The following EYS variants were observed in gnomAD, a reference collection of about 807,000 sequenced individuals.
EYS encodes EGF-like photoreceptor maintenance factor.
Under a neutral mutation model 282.1 loss-of-function variants are expected in EYS, and 250 were observed. That is an observed-to-expected ratio of 0.89 (90% CI 0.80 to 0.98). EYS has a LOEUF of 0.98. Ranked by LOEUF, EYS falls within the 50% of genes least tolerant of loss-of-function variation. EYS has a pLI of 0.00. For missense variants in EYS, 4,016 were observed against 3,709.0 expected (o/e 1.08, Z -2.15); for synonymous variants, 1,355 against 1,282.9 (o/e 1.06, Z -1.20).
chr6:64,650,611 A>G (rs758587444), intron 22 of EYS, among the ~76,000 whole-genome samples: 18 of 152,052 alleles, frequency 1.2e-4, no homozygotes, highest in Non-Finnish European at 2.6e-4. Context: ...TGTTTTGAGG[A>G]AAGGGGGAAA....
intron 14 of EYS, among the ~76,000 whole-genome samples, chr6:64,951,865 A>G (rs9445447): frequency 2.2e-3 from 337 of 152,068 alleles, no homozygotes; most frequent in African/African-American, 7.7e-3. Context: ...TTTAATTGGA[A>G]TATCAAAAAC....
chr6:64,248,773 G>A (rs1767103838), intron 30 of EYS, among the ~76,000 whole-genome samples: 3 of 152,110 alleles, frequency 2.0e-5, no homozygotes, highest in South Asian at 4.2e-4. Flanking sequence ...CAAAAAGATC[G>A]GCCGGGTGCA....
At chr6:64,765,396 T>G (rs1181077488) in intron 22 of EYS, among the ~76,000 whole-genome samples, 1 of 152,182 alleles carries the variant, frequency 6.6e-6, no homozygotes, top group Non-Finnish European at 1.5e-5. Flanking sequence ...ACCTGCATCT[T>G]TCTGTCTCCT....
intron 8 of EYS, among the ~76,000 whole-genome samples, chr6:65,377,883 A>G (rs1765438050): frequency 6.6e-6 from 1 of 152,140 alleles, no homozygotes; most frequent in South Asian, 2.1e-4. Flanking sequence ...ATAGACCAAT[A>G]AAAAGTTCTG....
chr6:65,443,014 C>T (rs1768429892), intron 5 of EYS, among the ~76,000 whole-genome samples: 1 of 104,834 alleles, frequency 9.5e-6, no homozygotes, highest in Non-Finnish European at 2.4e-5. Flanking sequence ...GTACACATAT[C>T]TGTAAATATA....
At chr6:64,234,981 G>A (rs900886427) in intron 30 of EYS, among the ~76,000 whole-genome samples, 12 of 151,756 alleles carry the variant, frequency 7.9e-5, no homozygotes, top group Admixed American at 5.9e-4. Context: ...GGGTTCAAGC[G>A]ATTCTCCTGC....
At position 64,548,064 on chromosome 6, in the gene EYS, C is replaced by T. The variant is rs117015202; in HGVS notation, c.5644+42159G>A. On this transcript the variant is annotated intron_variant, in intron 26 of 42. Coordinates refer to ENST00000503581, the MANE Select transcript of EYS (RefSeq NM_001142800.2). The stretch of plus-strand genomic sequence containing the variant: ...CTGTCCCTCCACACCTCCCTGGAAG[C>T]TGATAGAGCCGGCTCCAGCCTCGGC... Among the ~76,000 whole-genome samples the T allele has an allele frequency of 4.1e-4, 62 of 152,330 alleles. 1 individual carries two copies. The East Asian group carries it at 0.012, about 29-fold the overall frequency.
chr6:64,465,042 G>A (rs1251248103), intron 26 of EYS, among the ~76,000 whole-genome samples: 1 of 151,726 alleles, frequency 6.6e-6, no homozygotes, highest in Non-Finnish European at 1.5e-5. Context: ...ATACTTAGGA[G>A]TAAATTTAAT....
At chr6:65,488,390 T>C (rs909000071) in intron 5 of EYS, among the ~76,000 whole-genome samples, 2 of 152,096 alleles carry the variant, frequency 1.3e-5, no homozygotes, top group Non-Finnish European at 2.9e-5. Context: ...TTCTCATTGG[T>C]TTCAAAAAAC....
intron 26 of EYS, among the ~76,000 whole-genome samples, chr6:64,523,937 G>T (rs535501791): frequency 1.2e-4 from 18 of 151,780 alleles, no homozygotes; most frequent in African/African-American, 4.3e-4. Context: ...TTTGATGATT[G>T]AATAATTGTT....
At position 64,066,429 on chromosome 6, in the gene EYS, C is replaced by G. The variant is rs2149855714; in HGVS notation, c.6634G>C (p.Val2212Leu). ...HLFLVEGRPS[V>L]KYGCGNSQNI... The stretch of plus-strand genomic sequence containing the variant: ...TGAGAATTTCCACACCCATATTTAA[C>G]TGATGGCCTTCCTTCCACAAGAAAT... Residue 2212 changes from valine (V) to leucine (L), a missense_variant, in exon 33 of 43, where the codon GTT becomes CTT. Val to Leu is a conservative substitution (Grantham distance 32, BLOSUM62 1). Transcript: ENST00000503581. 2.6e-6 allele frequency: 4 copies of G among 1,549,914 alleles called. No homozygotes were observed. The highest frequency in any genetic ancestry group is 3.5e-6 in the Non-Finnish European group (4 of 1,145,506).
chr6:64,409,463 AT>A (rs1365811592), intron 28 of EYS, among the ~76,000 whole-genome samples: 2 of 152,174 alleles, frequency 1.3e-5, no homozygotes. Context: ...GAAAAAGGTG[AT>A]CCTTGAGAGC....
intron 24 of EYS, among the ~76,000 whole-genome samples, chr6:64,609,237 T>C (rs1175332305): frequency 6.6e-6 from 1 of 151,940 alleles, no homozygotes; most frequent in Non-Finnish European, 1.5e-5. Context: ...AAAAAAAGAG[T>C]TACCTAAGCA....
At chr6:64,221,108 A>G (rs1582446176) in intron 31 of EYS, among the ~76,000 whole-genome samples, 1 of 152,196 alleles carries the variant, frequency 6.6e-6, no homozygotes, top group South Asian at 2.1e-4. Flanking sequence ...GCATGAAAAG[A>G]GTTTAGGACA....
chr6:64,703,899 C>T (rs1172030955), intron 22 of EYS, among the ~76,000 whole-genome samples: 1 of 151,964 alleles, frequency 6.6e-6, no homozygotes. Context: ...ATAACGAGGG[C>T]ATTATTATTT....
At chr6:65,665,429 CTG>C (rs1768162739) in intron 1 of EYS, among the ~76,000 whole-genome samples, 2 of 152,238 alleles carry the variant, frequency 1.3e-5, no homozygotes, top group South Asian at 4.1e-4. Flanking sequence ...GGCCACTAAA[CTG>C]TGGGAAACGA....
At chr6:65,269,102 T>C (rs1767832517) in intron 12 of EYS, among the ~76,000 whole-genome samples, 1 of 152,174 alleles carries the variant, frequency 6.6e-6, no homozygotes, top group African/African-American at 2.4e-5. Context: ...AGGCTCTGTT[T>C]GTCAGTATCA....
chr6:64,678,483 C>T (rs908461875), intron 22 of EYS, among the ~76,000 whole-genome samples: 10 of 152,180 alleles, frequency 6.6e-5, no homozygotes, highest in Admixed American at 2.0e-4. Flanking sequence ...GAGGCTGAGA[C>T]AGGAGAATCA....
intron 8 of EYS, among the ~76,000 whole-genome samples, 199 bp downstream of exon 8, chr6:65,384,187 A>T (rs184037482): frequency 1.3e-5 from 2 of 151,860 alleles, no homozygotes; most frequent in African/African-American, 4.8e-5. Context: ...CACCTCCTAG[A>T]ACATTTATTA....
Sources: gnomAD v4.1 joint callset for allele counts (sites outside exome capture counted in the v4.1 genomes callset) on GRCh38, gnomAD v4.1.1 for gene constraint, MANE v1.5 for transcripts, NCBI Gene and HGNC (gene_info 2026-07-23, HGNC 2026-07-21) for gene names.